The following NOL10 variants were observed in gnomAD, a reference collection of about 807,000 sequenced individuals.
The protein encoded by NOL10 is nucleolar protein 10.
NOL10 carries 58 observed loss-of-function variants against 103.5 expected under a neutral mutation model. The observed-to-expected ratio is 0.56, with a 90% CI of 0.45 to 0.70. The LOEUF (loss-of-function observed/expected upper bound fraction) is 0.70, where lower values mean the gene tolerates loss of function less well. Among genes scored for constraint, NOL10 ranks in the 30% least tolerant of loss-of-function variants. The pLI is 0.00. For missense variants in NOL10, 763 were observed against 807.3 expected (o/e 0.95, Z 0.67); for synonymous variants, 287 against 282.5 (o/e 1.02, Z -0.16).
At chr2:10,606,967 T>C (rs1676294623) in intron 14 of NOL10, among the ~76,000 whole-genome samples, 1 of 152,118 alleles carries the variant, frequency 6.6e-6, no homozygotes, top group Admixed American at 6.5e-5. Context: ...TCATTTAAAA[T>C]ACAAAAAAGC....
chr2:10,684,462 G>T, intron 2 of NOL10, 105 bp downstream of exon 2: 2 of 883,716 alleles, frequency 2.3e-6, no homozygotes, highest in African/African-American at 1.7e-5. Flanking sequence ...TCCACTACAT[G>T]TTACCGCATT....
chr2:10,685,488 TCCCCCCCCC>T lies in NOL10; in HGVS notation c.67-885_67-877del, dbSNP rs56198509. 6.9e-3 allele frequency among the ~76,000 whole-genome samples: 58 copies of T among 8,394 alleles called. 3 individuals carry two copies. Among genetic ancestry groups the T allele is most frequent in the Admixed American group, 0.015 (12 of 788 alleles). 5.5% of individuals were successfully genotyped at this position (8,394 alleles called of 152,430 possible). ...GGCCTGGTGACTGAGAGAGACTCCG[TCCCCCCCCC>T]CCCCCCCCCCGCCAAAAAAAAAGAA... is the stretch of plus-strand genomic sequence containing the variant. On this transcript the variant is annotated intron_variant, in intron 1 of 20. Transcript: ENST00000381685.
intron 11 of NOL10, 60 bp from the exon 12 acceptor site, chr2:10,654,607 T>C (rs1679701987): frequency 9.6e-7 from 1 of 1,039,644 alleles, no homozygotes; most frequent in African/African-American, 1.6e-5. Context: ...TTTGGCAATG[T>C]CAAACTGAAG....
intron 10 of NOL10, among the ~76,000 whole-genome samples, chr2:10,658,214 T>C (rs1258394151): frequency 5.3e-5 from 8 of 152,192 alleles, no homozygotes; most frequent in African/African-American, 9.7e-5. Context: ...GGCAGTGTCA[T>C]AGCAACAGAT....
chr2:10,573,428 G>T (rs1674287991), intron 20 of NOL10, among the ~76,000 whole-genome samples: 1 of 152,210 alleles, frequency 6.6e-6, no homozygotes, highest in South Asian at 2.1e-4. Flanking sequence ...TCTTGACTTT[G>T]TGATCCACCC....
At chr2:10,667,125 T>A in intron 8 of NOL10, 93 bp downstream of exon 8, 1 of 862,602 alleles carries the variant, frequency 1.2e-6, no homozygotes, top group South Asian at 1.5e-5. Flanking sequence ...ATTATCATCC[T>A]GCTCTAAGGA....
chr2:10,657,943 G>A (rs1043770757), intron 10 of NOL10, 52 bp from the exon 11 acceptor site: 21 of 1,362,468 alleles, frequency 1.5e-5, no homozygotes, highest in South Asian at 4.5e-5. Flanking sequence ...ATCTTCAAAG[G>A]AAATATTTCT....
intron 12 of NOL10, among the ~76,000 whole-genome samples, chr2:10,645,017 A>G (rs1296683242): frequency 6.6e-6 from 1 of 152,200 alleles, no homozygotes; most frequent in Non-Finnish European, 1.5e-5. Context: ...GCTCTGGACC[A>G]CTGCACTTTA....
At chr2:10,624,410 T>C (rs1052130887) in intron 13 of NOL10, among the ~76,000 whole-genome samples, 12 of 151,930 alleles carry the variant, frequency 7.9e-5, no homozygotes, top group African/African-American at 1.2e-4. Flanking sequence ...GGGAGGAATG[T>C]CCTCAGAAAA....
chr2:10,613,663 A>G (rs1028408713), intron 13 of NOL10, among the ~76,000 whole-genome samples: 3 of 152,248 alleles, frequency 2.0e-5, no homozygotes, highest in Non-Finnish European at 2.9e-5. Flanking sequence ...TTATACTATT[A>G]CAATCCTAGA....
chr2:10,597,687 T>C (rs1371789259), intron 17 of NOL10, among the ~76,000 whole-genome samples: 1 of 152,234 alleles, frequency 6.6e-6, no homozygotes, highest in Non-Finnish European at 1.5e-5. Context: ...TGATTTGGGC[T>C]AGGAAGTCAC....
At chr2:10,685,406 T>A (rs997946099) in intron 1 of NOL10, among the ~76,000 whole-genome samples, 3 of 138,106 alleles carry the variant, frequency 2.2e-5, no homozygotes, top group African/African-American at 8.2e-5. Flanking sequence ...GGAAGGGGAA[T>A]CACTTGAACC....
At chr2:10,574,646 C>CAA (rs145471806) in intron 20 of NOL10, among the ~76,000 whole-genome samples, 26,658 of 116,092 alleles carry the variant, frequency 0.23, 3,748 homozygotes, top group East Asian at 0.44. Context: ...GACTCTGTCT[C>CAA]AAAAAAAAAA....
At position 10,689,948 on chromosome 2, in the gene NOL10, C is replaced by G; in HGVS notation, c.-87G>C. 7.7e-7 allele frequency: 1 copy of G among 1,301,666 alleles called. No homozygotes were observed. Among genetic ancestry groups the G allele is most frequent in the Admixed American group, 2.2e-5 (1 of 45,950 alleles). The allele number at this position is 1,301,666 out of a possible 1,614,324, so 80.6% of individuals were successfully genotyped here. A position where few individuals can be genotyped will look rare whatever the true frequency, so the allele number is the denominator to read the frequency against. ...ATCCCGGGACCTCCGAGCCCCTGCTCCGCGGCGTGCGGCCGCTGGCGCCGA... is the reference window on the plus strand; with the variant it reads ...ATCCCGGGACCTCCGAGCCCCTGCTGCGCGGCGTGCGGCCGCTGGCGCCGA... On this transcript the variant is annotated 5_prime_UTR_variant, in exon 1 of 21. Transcript: ENST00000381685.
intron 17 of NOL10, among the ~76,000 whole-genome samples, chr2:10,598,296 G>A (rs1319412021): frequency 6.6e-6 from 1 of 152,216 alleles, no homozygotes; most frequent in South Asian, 2.1e-4. Flanking sequence ...CAGACAGGAC[G>A]CGTGTGTAAC....
chr2:10,634,151 T>C (rs1678030131), intron 13 of NOL10, among the ~76,000 whole-genome samples: 1 of 152,146 alleles, frequency 6.6e-6, no homozygotes, highest in Non-Finnish European at 1.5e-5. Context: ...TTTTTAATAT[T>C]TTACATCAGT....
intron 13 of NOL10, among the ~76,000 whole-genome samples, chr2:10,631,975 G>A (rs1473656977): frequency 4.6e-5 from 7 of 152,126 alleles, no homozygotes; most frequent in Non-Finnish European, 7.4e-5. Context: ...CGGCCTCCCA[G>A]AGTGCCTTTC....
At chr2:10,685,499 CCCCCCCCCG>C (rs753043805) in intron 1 of NOL10, among the ~76,000 whole-genome samples, 2,857 of 47,796 alleles carry the variant, frequency 0.06, 275 homozygotes, top group African/African-American at 0.23. Context: ...CCCCCCCCCC[CCCCCCCCCG>C]CCAAAAAAAA....
chr2:10,663,167 G>C, intron 8 of NOL10, 123 bp from the exon 9 acceptor site: 1 of 645,860 alleles, frequency 1.5e-6, no homozygotes, highest in Non-Finnish European at 2.7e-6. Context: ...AGGAGTTTGA[G>C]ACTAGTCTGA....
Sources: allele counts gnomAD v4.1 joint callset (sites outside exome capture counted in the v4.1 genomes callset), GRCh38; gene constraint gnomAD v4.1.1; transcripts MANE v1.5; gene names NCBI Gene and HGNC (gene_info 2026-07-23, HGNC 2026-07-21).